Variants in ZDHHC2 observed in about 807,000 individuals in gnomAD.
The protein encoded by ZDHHC2 is zDHHC palmitoyltransferase 2, also known as palmitoyltransferase ZDHHC2.
Under a neutral mutation model 55.6 loss-of-function variants are expected in ZDHHC2, and 51 were observed. That is an observed-to-expected ratio of 0.92 (90% CI 0.73 to 1.16). The LOEUF (loss-of-function observed/expected upper bound fraction) is 1.16, where lower values mean the gene tolerates loss of function less well. Among genes scored for constraint, ZDHHC2 ranks in the 50% most tolerant of loss-of-function variants. ZDHHC2 has a pLI of 0.00. For missense variants in ZDHHC2, 491 were observed against 442.4 expected, an observed-to-expected ratio of 1.11 and a Z score of -0.99; for synonymous variants, 199 against 152.9, an observed-to-expected ratio of 1.30 and a Z score of -2.22.
intron 1 of ZDHHC2, among the ~76,000 whole-genome samples, chr8:17,179,540 GCTGGGAC>G (rs1205999580): frequency 6.6e-6 from 1 of 152,002 alleles, no homozygotes; most frequent in Non-Finnish European, 1.5e-5. Flanking sequence ...CTCCCAAGTA[GCTGGGAC>G]CACAGGCAGT....
chr8:17,177,606 A>G (rs1805207820), intron 1 of ZDHHC2, among the ~76,000 whole-genome samples: 1 of 152,240 alleles, frequency 6.6e-6, no homozygotes, highest in Admixed American at 6.5e-5. Flanking sequence ...CTTATTTACC[A>G]TTTTGTTCTC....
intron 1 of ZDHHC2, among the ~76,000 whole-genome samples, chr8:17,164,124 G>GAC (rs1804490341): frequency 6.6e-6 from 1 of 152,112 alleles, no homozygotes; most frequent in African/African-American, 2.4e-5. Flanking sequence ...GATTGCTTGA[G>GAC]AATTTTCCTT....
chr8:17,199,222 A>G (rs533212369), intron 6 of ZDHHC2, among the ~76,000 whole-genome samples: 8 of 152,270 alleles, frequency 5.3e-5, no homozygotes, highest in African/African-American at 1.9e-4. Context: ...GGAATGTAGG[A>G]TTATGGTATC....
Position 17,222,732 on chromosome 8 carries a change from ATCACCTAC to A in ZDHHC2, c.*2512_*2519del, listed in dbSNP as rs1807973592. The A allele has an allele frequency of 6.4e-4, 1 of 1,572 alleles. No individual in the cohort carries two copies. Among genetic ancestry groups the A allele is most frequent in the Non-Finnish European group, 3.1e-3 (1 of 326 alleles). The allele number at this position is 1,572 out of a possible 1,614,324, so 0.1% of individuals were successfully genotyped here. A position where few individuals can be genotyped will look rare whatever the true frequency, so the allele number is the denominator to read the frequency against. On this transcript the variant is annotated 3_prime_UTR_variant, in exon 13 of 13. Transcript: ENST00000262096. ...CTAATATACCCTAATAAAGTGGTTG[ATCACCTAC>A]ATTATCTGTCTATAAGAAACTGCCT...
chr8:17,200,943 C>G (rs1483806017), intron 6 of ZDHHC2, among the ~76,000 whole-genome samples: 2 of 152,196 alleles, frequency 1.3e-5, no homozygotes, highest in Non-Finnish European at 2.9e-5. Flanking sequence ...ACTGTCCTAG[C>G]TCTGAGTACT....
chr8:17,185,638 C>A (rs1289336230), intron 2 of ZDHHC2, among the ~76,000 whole-genome samples: 2 of 151,822 alleles, frequency 1.3e-5, no homozygotes, highest in Admixed American at 6.6e-5. Context: ...CCAGCCTGGG[C>A]GACAGAGTGA....
intron 1 of ZDHHC2, among the ~76,000 whole-genome samples, chr8:17,176,187 G>T (rs1805121076): frequency 6.6e-6 from 1 of 152,164 alleles, no homozygotes; most frequent in Non-Finnish European, 1.5e-5. Context: ...AGGGAATTGT[G>T]TGGGGATCCA....
intron 6 of ZDHHC2, among the ~76,000 whole-genome samples, chr8:17,203,517 A>G (rs1221254019): frequency 1.3e-5 from 2 of 151,954 alleles, no homozygotes; most frequent in Non-Finnish European, 2.9e-5. Context: ...TACAGGCGTC[A>G]GCCACCACGC....
chr8:17,183,655 A>G (rs970038055), intron 1 of ZDHHC2, among the ~76,000 whole-genome samples: 1 of 152,202 alleles, frequency 6.6e-6, no homozygotes, highest in African/African-American at 2.4e-5. Context: ...ACACTATAAC[A>G]TCAAATATGT....
In ZDHHC2 at chr8:17,198,381, A is replaced by T. The variant is rs377748901; in HGVS notation, c.444A>T (p.Lys148Asn). 1.4e-5 allele frequency: 23 copies of T among 1,601,494 alleles called. No homozygotes were observed. The highest frequency in any genetic ancestry group is 1.7e-4 in the Middle Eastern group (1 of 6,020). Residue 148 changes from lysine to asparagine, a missense_variant and splice_region_variant, in exon 6 of 13, where the codon AAA becomes AAT. Transcript: ENST00000262096. ...DRCHHCSVCD[K>N]CILKMDHHCP... ...TTTTGTGTTCTGCTTTGTTTTTTAG[A>T]TGTATTTTGAAGATGGATCATCATT...
intron 4 of ZDHHC2, among the ~76,000 whole-genome samples, chr8:17,196,173 C>T (rs1806297244): frequency 6.6e-6 from 1 of 152,076 alleles, no homozygotes; most frequent in African/African-American, 2.4e-5. Context: ...CAACTATCCA[C>T]TTAAACAGTT....
rs199596575 is a variant in ZDHHC2 at position 17,199,199 on chromosome 8, A to G, written c.476+786A>G. ...AGGGAATGGTTTTCTTAGCAGCAGG[A>G]AAGATTCCCAGGGGAATGTAGGATT... On this transcript the variant is annotated intron_variant, in intron 6 of 12. Coordinates refer to ENST00000262096, the MANE Select transcript of ZDHHC2 (RefSeq NM_016353.5). 9.8e-5 allele frequency among the ~76,000 whole-genome samples: 15 copies of G among 152,306 alleles called. No individual in the cohort carries two copies. The East Asian group carries it at 2.9e-3, about 29-fold the overall frequency.
At chr8:17,197,782 A>C in intron 5 of ZDHHC2, 131 bp downstream of exon 5, 1 of 1,012,432 alleles carries the variant, frequency 9.9e-7, no homozygotes, top group Non-Finnish European at 1.5e-6. Flanking sequence ...TAGGAAATGG[A>C]GTTGGTATAA....
At chr8:17,204,695 A>G (rs1212688245) in intron 6 of ZDHHC2, among the ~76,000 whole-genome samples, 1 of 152,164 alleles carries the variant, frequency 6.6e-6, no homozygotes, top group African/African-American at 2.4e-5. Context: ...GGCTAAGCAA[A>G]ACAACTAATG....
chr8:17,191,551 G>A (rs907618760), intron 3 of ZDHHC2, among the ~76,000 whole-genome samples: 1 of 152,182 alleles, frequency 6.6e-6, no homozygotes, highest in Non-Finnish European at 1.5e-5. Context: ...CCACAAGTAA[G>A]TGAGAGCATG....
intron 4 of ZDHHC2, among the ~76,000 whole-genome samples, chr8:17,196,796 C>T (rs914025718): frequency 6.6e-6 from 1 of 151,744 alleles, no homozygotes; most frequent in Non-Finnish European, 1.5e-5. Context: ...GTCCCAGCTA[C>T]TCAGCTCAGG....
At chr8:17,178,768 A>G (rs1260077550) in intron 1 of ZDHHC2, among the ~76,000 whole-genome samples, 4 of 152,198 alleles carry the variant, frequency 2.6e-5, no homozygotes, top group Non-Finnish European at 5.9e-5. Context: ...CCTTTTCTAT[A>G]TTATGGGTTA....
rs1054653183 is a variant in ZDHHC2 at position 17,222,478 on chromosome 8, G to A, written c.*2257G>A. 4.0e-5 allele frequency: 6 copies of A among 151,578 alleles called. No homozygotes were observed. Among genetic ancestry groups the A allele is most frequent in the African/African-American group, 1.5e-4 (6 of 41,338 alleles). The allele number at this position is 151,578 out of a possible 1,614,324, so 9.4% of individuals were successfully genotyped here. A position where few individuals can be genotyped will look rare whatever the true frequency, so the allele number is the denominator to read the frequency against. ...GACACATACTTCAACTGTCCTTATT[G>A]TCCATTAAACTGATAATTTTGATTT... On this transcript the variant is annotated 3_prime_UTR_variant, in exon 13 of 13. Transcript: ENST00000262096.
At chr8:17,205,591 G>T in intron 6 of ZDHHC2, 64 bp from the exon 7 acceptor site, 1 of 1,463,522 alleles carries the variant, frequency 6.8e-7, no homozygotes, top group South Asian at 1.6e-5. Flanking sequence ...ACACTTGCTT[G>T]AGCATATGCA....
Sources: allele counts gnomAD v4.1 joint callset (sites outside exome capture counted in the v4.1 genomes callset), GRCh38; gene constraint gnomAD v4.1.1; transcripts MANE v1.5; gene names NCBI Gene and HGNC (gene_info 2026-07-23, HGNC 2026-07-21).